GUCY2F: variants seen among roughly 807,000 people sequenced by gnomAD.
The protein encoded by GUCY2F is retinal guanylyl cyclase 2.
In GUCY2F, 61 loss-of-function variants were observed where a neutral mutation model predicts 73.1. The ratio of observed to expected loss-of-function variants is 0.83; its 90% CI spans 0.68 to 1.03. The LOEUF is 1.03. Ranked by LOEUF, GUCY2F falls within the 50% of genes least tolerant of loss-of-function variation. GUCY2F has a pLI of 0.00. For synonymous variants in GUCY2F, 331 were observed against 307.8 expected, an observed-to-expected ratio of 1.08 and a Z score of -0.79; for missense variants, 912 against 854.3, an observed-to-expected ratio of 1.07 and a Z score of -0.84.
chrX:109,381,223 C>T (rs1022448377), intron 17 of GUCY2F, among the ~76,000 whole-genome samples: 10 of 112,532 alleles, frequency 8.9e-5, no homozygotes, highest in African/African-American at 1.3e-4. Flanking sequence ...GCTAATTGTG[C>T]ATCACTTAGT....
At chrX:109,432,996 G>A (rs1377974224) in intron 7 of GUCY2F, among the ~76,000 whole-genome samples, 1 of 112,555 alleles carries the variant, frequency 8.9e-6, no homozygotes, top group African/African-American at 3.2e-5. Flanking sequence ...ATGTGAGAAG[G>A]CTCTTCTACC....
At chrX:109,404,158 C>T (rs541982802) in intron 10 of GUCY2F, among the ~76,000 whole-genome samples, 170 bp downstream of exon 10, 2 of 112,265 alleles carry the variant, frequency 1.8e-5, no homozygotes, top group African/African-American at 6.5e-5. Context: ...TTGGCTGGGC[C>T]GAGGTTACAG....
intron 10 of GUCY2F, among the ~76,000 whole-genome samples, chrX:109,399,548 T>C (rs1375946122): frequency 8.9e-6 from 1 of 111,974 alleles, no homozygotes; most frequent in Non-Finnish European, 1.9e-5. Context: ...GTAAGCAATG[T>C]ATAAAGAAAT....
In GUCY2F at chrX:109,405,844, G is replaced by A. The variant is rs147764092; in HGVS notation, c.1969-1360C>T. Among the ~76,000 whole-genome samples the A allele has an allele frequency of 8.0e-3, 896 of 111,545 alleles. 9 individuals are homozygous for A. The highest frequency in any genetic ancestry group is 0.028 in the African/African-American group (855 of 30,669). On this transcript the variant is annotated intron_variant, in intron 9 of 19. Coordinates refer to ENST00000218006, the MANE Select transcript of GUCY2F (RefSeq NM_001522.3). ...AGATTTGGATTTTATTATCAGCTCC[G>A]CCACCTAATAGTTGGCTGAGAAATA...
intron 3 of GUCY2F, among the ~76,000 whole-genome samples, chrX:109,457,516 T>G (rs943258422): frequency 1.8e-5 from 2 of 112,143 alleles, no homozygotes; most frequent in Admixed American, 1.9e-4. Context: ...ATGCATGATC[T>G]CAACCCTTGG....
At chrX:109,468,649 G>T (rs920863330) in intron 2 of GUCY2F, among the ~76,000 whole-genome samples, 1 of 110,995 alleles carries the variant, frequency 9.0e-6, no homozygotes, top group Admixed American at 9.6e-5. Flanking sequence ...TATTTCAAAG[G>T]GTCCGAATTT....
chrX:109,431,662 G>A (rs1931616360), intron 7 of GUCY2F, among the ~76,000 whole-genome samples: 1 of 103,792 alleles, frequency 9.6e-6, no homozygotes, highest in East Asian at 3.1e-4. Flanking sequence ...TGGCGCCACT[G>A]CACTCCAGCC....
At chrX:109,441,146 G>A (rs190336059) in intron 7 of GUCY2F, among the ~76,000 whole-genome samples, 143 of 112,292 alleles carry the variant, frequency 1.3e-3, no homozygotes, top group Admixed American at 1.8e-3. Flanking sequence ...TGAAAGATCA[G>A]TGAAGTTATA....
intron 1 of GUCY2F, among the ~76,000 whole-genome samples, chrX:109,481,194 G>T (rs1214581475): frequency 9.0e-6 from 1 of 111,418 alleles, no homozygotes; most frequent in African/African-American, 3.3e-5. Context: ...AAAAAAATTA[G>T]CTCACTAAAG....
intron 3 of GUCY2F, among the ~76,000 whole-genome samples, chrX:109,457,878 T>A (rs1170792668): frequency 8.9e-6 from 1 of 112,453 alleles, no homozygotes. Flanking sequence ...TCCAGCCATA[T>A]ACATTTGTGG....
chrX:109,425,471 T>C (rs1931463808), intron 8 of GUCY2F, among the ~76,000 whole-genome samples: 1 of 108,601 alleles, frequency 9.2e-6, no homozygotes, highest in Non-Finnish European at 1.9e-5. Flanking sequence ...CACTCAGCCA[T>C]GAAAAGGAAT....
At chrX:109,375,858 T>C (rs1930165012) in intron 19 of GUCY2F, 40 bp downstream of exon 19, 12 of 1,030,803 alleles carry the variant, frequency 1.2e-5, no homozygotes, top group East Asian at 3.0e-5. Context: ...ATTTGAAAAT[T>C]TGGCAAGCTG....
chrX:109,480,975 G>A (rs910776882), intron 1 of GUCY2F, among the ~76,000 whole-genome samples: 9 of 102,222 alleles, frequency 8.8e-5, no homozygotes, highest in African/African-American at 3.2e-4. Flanking sequence ...GGGGAGGAAG[G>A]GAGAGGGAAG....
chrX:109,393,024 T>C lies in GUCY2F; in HGVS notation c.2456A>G (p.Asn819Ser). ...CATCCGAAGCATAGAATCAATAATA[T>C]TGGTCTTCTTCCCTTTATTAAAAGT... is the stretch of plus-strand genomic sequence containing the variant. ...FKTFNKGKKT[N>S]IIDSMLRMLE... The change falls in exon 13 of 20, where the codon AAT (asparagine) becomes AGT (serine). Residue 819 changes from asparagine to serine, a missense_variant. By Grantham distance (46) the Asn-to-Ser change is conservative. Coordinates refer to ENST00000218006, the MANE Select transcript of GUCY2F (RefSeq NM_001522.3). 1 of 1,113,346 alleles carries C rather than the reference T, an allele frequency of 9.0e-7. No individual in the cohort carries two copies. Among genetic ancestry groups the C allele is most frequent in the East Asian group, 3.0e-5 (1 of 33,429 alleles). 91.8% of individuals were successfully genotyped at this position (1,113,346 alleles called of 1,213,427 possible). A position where few individuals can be genotyped will look rare whatever the true frequency, so the allele number is the denominator to read the frequency against.
chrX:109,462,500 G>A (rs1932381894), intron 3 of GUCY2F, among the ~76,000 whole-genome samples: 1 of 112,317 alleles, frequency 8.9e-6, no homozygotes, highest in Non-Finnish European at 1.9e-5. Context: ...CATAAGCTCT[G>A]GATTCTTTGT....
chrX:109,472,649 T>C (rs755160480), intron 2 of GUCY2F, among the ~76,000 whole-genome samples: 1 of 112,355 alleles, frequency 8.9e-6, no homozygotes, highest in African/African-American at 3.2e-5. Context: ...CTCACTGATG[T>C]GTTGACCCAA....
intron 2 of GUCY2F, among the ~76,000 whole-genome samples, chrX:109,466,848 T>G (rs1932478327): frequency 8.9e-6 from 1 of 112,309 alleles, no homozygotes; most frequent in Non-Finnish European, 1.9e-5. Flanking sequence ...TCAAACACCT[T>G]TTTACACTTG....
At chrX:109,382,332 G>A (rs771964621) in intron 16 of GUCY2F, 120 bp from the exon 17 acceptor site, 1 of 480,481 alleles carries the variant, frequency 2.1e-6, no homozygotes, top group South Asian at 3.3e-5. Context: ...AACGTCCTGA[G>A]AGAGGTTTAC....
At chrX:109,428,381 C>T (rs751403295) in intron 8 of GUCY2F, among the ~76,000 whole-genome samples, 44 of 111,819 alleles carry the variant, frequency 3.9e-4, no homozygotes, top group South Asian at 3.7e-3. Flanking sequence ...TGTAGTATTC[C>T]GGCTGAAGAT....
Sources: gnomAD v4.1 joint callset for allele counts (sites outside exome capture counted in the v4.1 genomes callset) on GRCh38, gnomAD v4.1.1 for gene constraint, MANE v1.5 for transcripts, NCBI Gene and HGNC (gene_info 2026-07-23, HGNC 2026-07-21) for gene names.